Variants in SHANK1 observed in about 807,000 individuals in gnomAD.
SHANK1 encodes the protein SH3 and multiple ankyrin repeat domains protein 1.
In SHANK1, 35 loss-of-function variants were observed where a neutral mutation model predicts 165.6. The ratio of observed to expected loss-of-function variants is 0.21; its 90% CI spans 0.16 to 0.28. The LOEUF (loss-of-function observed/expected upper bound fraction) is 0.28. Among genes scored for constraint, SHANK1 ranks in the 10% least tolerant of loss-of-function variants. The pLI, the probability that SHANK1 is intolerant of heterozygous loss-of-function variation, is 1.00. For missense variants in SHANK1, 2,681 were observed against 3,036.4 expected (o/e 0.88, Z 2.75); for synonymous variants, 1,428 against 1,384.8 (o/e 1.03, Z -0.69).
chr19:50,689,030 T>C (rs1391317796), intron 16 of SHANK1, 62 bp from the exon 17 acceptor site: 5 of 1,297,422 alleles, frequency 3.9e-6, no homozygotes, highest in Non-Finnish European at 5.4e-6. Flanking sequence ...GAGCAGGGGA[T>C]GGGGCTCAGA....
In SHANK1 at chr19:50,689,303, G is replaced by T. The variant is rs559864658; in HGVS notation, c.1965-24C>A. ...CGCTGGCAGGGAGGCAGGAGAAATG[G>T]GGGGGTGGTGGGGGGAGTGGAGAAG... On this transcript the variant is annotated intron_variant, in intron 15 of 23. Coordinates refer to ENST00000293441, the MANE Select transcript of SHANK1 (RefSeq NM_016148.5). The T allele has an allele frequency of 5.7e-5, 84 of 1,461,412 alleles. 1 individual carries two copies. The highest frequency in any genetic ancestry group is 6.7e-5 in the Non-Finnish European group (70 of 1,041,108). The allele number at this position is 1,461,412 out of a possible 1,614,324, so 90.5% of individuals were successfully genotyped here. A position where few individuals can be genotyped will look rare whatever the true frequency, so the allele number is the denominator to read the frequency against.
In SHANK1 at chr19:50,662,221, G is replaced by A; in HGVS notation, c.6230C>T (p.Ser2077Leu). The change falls in exon 24 of 24, where the codon TCA becomes TTA. Residue 2077 changes from serine to leucine, a missense_variant. Around this residue, in one of 10 missense-constraint regions of SHANK1, gnomAD observed 1,713 missense variants for 1,630.2 expected, o/e 1.05. Transcript: ENST00000293441. This position sits in a 1 kb window ranked among gnomAD's most constrained non-coding sequence, Gnocchi z 7.7. ...GALSGASRSLSPTRLLSLPPD... is the reference protein window; with the variant it reads ...GALSGASRSLLPTRLLSLPPD... ...GGGCAGCGAGAGCAGGCGGGTCGGT[G>A]AGAGGGAGCGCGAGGCCCCTGACAA... The A allele has an allele frequency of 6.2e-7, 1 of 1,609,942 alleles. No individual in the cohort carries two copies. Among genetic ancestry groups the A allele is most frequent in the South Asian group, 1.1e-5 (1 of 90,690 alleles).
chr19:50,666,061 C>A, intron 23 of SHANK1, 131 bp downstream of exon 23: 2 of 763,414 alleles, frequency 2.6e-6, no homozygotes, highest in Non-Finnish European at 4.0e-6. Context: ...TTTGTGAAAG[C>A]ATGCTTCTGT....
At chr19:50,682,835 T>A (rs1254449630) in intron 21 of SHANK1, among the ~76,000 whole-genome samples, 1 of 152,140 alleles carries the variant, frequency 6.6e-6, no homozygotes, top group African/African-American at 2.4e-5. Context: ...GTTTGTTTGT[T>A]TTTTAGAGAC....
intron 12 of SHANK1, among the ~76,000 whole-genome samples, chr19:50,700,068 A>G (rs77005253): frequency 0.2 from 2,302 of 11,444 alleles, 151 homozygotes; most frequent in Middle Eastern, 0.27. Flanking sequence ...TGGAAGGCTC[A>G]GGGCATTGGA....
chr19:50,684,712 G>A (rs1986280732), intron 21 of SHANK1, among the ~76,000 whole-genome samples: 1 of 152,114 alleles, frequency 6.6e-6, no homozygotes, highest in African/African-American at 2.4e-5. Flanking sequence ...GTTTCAGCAA[G>A]ACCCATGCCT....
In SHANK1 at chr19:50,668,142, C is replaced by G; in HGVS notation, c.3818G>C (p.Gly1273Ala). 6.8e-7 allele frequency: 1 copy of G among 1,466,508 alleles called. No homozygotes were observed. Among genetic ancestry groups the G allele is most frequent in the Admixed American group, 2.5e-5 (1 of 39,896 alleles). 90.8% of individuals were successfully genotyped at this position (1,466,508 alleles called of 1,614,324 possible). A position where few individuals can be genotyped will look rare whatever the true frequency, so the allele number is the denominator to read the frequency against. The change falls in exon 23 of 24, where the codon GGC becomes GCC. Residue 1273 changes from glycine (G) to alanine (A), a missense_variant. This residue lies in a region of SHANK1 where 1,713 missense variants were observed against 1,630.2 expected (regional missense o/e 1.05). Coordinates refer to ENST00000293441, the MANE Select transcript of SHANK1 (RefSeq NM_016148.5). ...GDEDGGDGGL[G>A]TGAAPGPRLR... ...CCGCGGGCCCGGGGCCGCCCCTGTG[C>G]CCAGCCCGCCGTCCCCGCCGTCCTC... is the stretch of plus-strand genomic sequence containing the variant.
Position 50,686,227 on chromosome 19 carries a change from G to C in SHANK1, c.2577+10C>G. The C allele has an allele frequency of 6.4e-7, 1 of 1,551,502 alleles. No homozygotes were observed. The highest frequency in any genetic ancestry group is 8.8e-7 in the Non-Finnish European group (1 of 1,139,438). On this transcript the variant is annotated intron_variant, in intron 21 of 23. Coordinates refer to ENST00000293441, the MANE Select transcript of SHANK1 (RefSeq NM_016148.5). The surrounding 1 kb of genome is among the most constrained non-coding windows in gnomAD (Gnocchi z 5.7). ...CCCCTGGCAGTTCCTCCCCACACCA[G>C]GCCGCCTACCTCAGTGGCAAAGAAA...
In SHANK1 at chr19:50,719,708, TG is replaced by T. The variant is rs1323850842; in HGVS notation, c.-347del. 2.0e-5 allele frequency among the ~76,000 whole-genome samples: 3 copies of T among 146,758 alleles called. No homozygotes were observed. Among genetic ancestry groups the T allele is most frequent in the East Asian group, 4.2e-4 (2 of 4,818 alleles). On this transcript the variant is annotated 5_prime_UTR_variant, in exon 1 of 24. Coordinates refer to ENST00000293441, the MANE Select transcript of SHANK1 (RefSeq NM_016148.5). The stretch of plus-strand genomic sequence containing the variant: ...CGGCTCCGGGCGCCGCGTCTCCGCC[TG>T]CTCTTCCTCCTCCTCTTCCTCGGGC...
chr19:50,712,258 G>A (rs2089018746), intron 6 of SHANK1, 144 bp from the exon 7 acceptor site: 1 of 815,740 alleles, frequency 1.2e-6, no homozygotes, highest in African/African-American at 1.7e-5. Flanking sequence ...TGATGCCCTT[G>A]TGCAACCTTG....
intron 16 of SHANK1, 52 bp from the exon 17 acceptor site, chr19:50,689,020 G>A (rs566082450): frequency 2.4e-4 from 331 of 1,370,956 alleles, no homozygotes; most frequent in Non-Finnish European, 3.1e-4. Flanking sequence ...TGGAGAGGCC[G>A]AGCAGGGGAT....
chr19:50,704,664 C>T (rs963035878), intron 8 of SHANK1, 150 bp from the exon 9 acceptor site: 36 of 696,638 alleles, frequency 5.2e-5, no homozygotes, highest in Non-Finnish European at 7.7e-5. Flanking sequence ...CTGCCAGGTA[C>T]GGACCAGGAG....
intron 21 of SHANK1, among the ~76,000 whole-genome samples, chr19:50,680,811 A>G (rs1986155379): frequency 6.6e-6 from 1 of 152,108 alleles, no homozygotes; most frequent in Non-Finnish European, 1.5e-5. Flanking sequence ...GTGCGCCACC[A>G]CACCCAGCAA....
chr19:50,713,703 T>C lies in SHANK1; in HGVS notation c.792+95A>G, dbSNP rs2123202288. The C allele has an allele frequency of 6.6e-7, 1 of 1,522,822 alleles. No individual in the cohort carries two copies. Among genetic ancestry groups the C allele is most frequent in the Non-Finnish European group, 8.9e-7 (1 of 1,120,044 alleles). The allele number at this position is 1,522,822 out of a possible 1,614,324, so 94.3% of individuals were successfully genotyped here. ...GAACTGGGGACATGAGAGGGCCTATTTTTAACTGAAACCAAAGAACTGAGG... is the reference window on the plus strand; with the variant it reads ...GAACTGGGGACATGAGAGGGCCTATCTTTAACTGAAACCAAAGAACTGAGG... On this transcript the variant is annotated intron_variant, in intron 6 of 23. Transcript: ENST00000293441. This position sits in a 1 kb window ranked among gnomAD's most constrained non-coding sequence, Gnocchi z 6.2.
rs986849882 is a variant in SHANK1 at position 50,718,966 on chromosome 19, G to C, written c.-44+440C>G. Among the ~76,000 whole-genome samples, 6 of 151,918 alleles carry C rather than the reference G, an allele frequency of 3.9e-5. No individual in the cohort carries two copies. The highest frequency in any genetic ancestry group is 8.8e-5 in the Non-Finnish European group (6 of 67,930). ...CTGGAAGGAGAAGCGGGAGCTGGAGGGGTCGAAAGGGGCGGAGGAGGCCCG... is the reference window on the plus strand; with the variant it reads ...CTGGAAGGAGAAGCGGGAGCTGGAGCGGTCGAAAGGGGCGGAGGAGGCCCG... On this transcript the variant is annotated intron_variant, in intron 1 of 23. Transcript: ENST00000293441. The surrounding 1 kb of genome is among the most constrained non-coding windows in gnomAD (Gnocchi z 5.1).
rs752280339 is a variant in SHANK1, at chr19:50,711,493, C to A, written c.961-6G>T. ...GAGTGACCCCGCTGGCAGGCCTGGG[C>A]AGGACAGGGAGCGAGGGGCATGGAT... On this transcript the variant is annotated splice_polypyrimidine_tract_variant and splice_region_variant and intron_variant, in intron 7 of 23. Coordinates refer to ENST00000293441, the MANE Select transcript of SHANK1 (RefSeq NM_016148.5). 9 of 1,569,880 alleles carry A rather than the reference C, an allele frequency of 5.7e-6. No homozygotes were observed. The highest frequency in any genetic ancestry group is 6.9e-6 in the Non-Finnish European group (8 of 1,157,476).
chr19:50,662,664 C>T lies in SHANK1; in HGVS notation c.5787G>A (p.Gln1929=), dbSNP rs1985309168. The T allele has an allele frequency of 2.6e-6, 4 of 1,555,766 alleles. No individual in the cohort carries two copies. The highest frequency in any genetic ancestry group is 3.5e-6 in the Non-Finnish European group (4 of 1,152,122). Residue 1929 remains glutamine, a synonymous_variant, in exon 24 of 24, where the codon CAG becomes CAA. Transcript: ENST00000293441. The surrounding 1 kb of genome is among the most constrained non-coding windows in gnomAD (Gnocchi z 7.7). The part of the protein sequence containing the change: ...LQRQRLSDDS[Q]SSLLSKPVSS... ...TGACAGGCTTGGAGAGGAGTGAGGA[C>T]TGGGAGTCGTCGGAGAGTCTGGAAT...
In SHANK1 at chr19:50,686,451, C is replaced by G. The variant is rs992703506; in HGVS notation, c.2459-96G>C. ...ACCAGAGCTGCCGCCCGCAGTTCAT[C>G]CAGCACCTGGATCAACCAGGAAAGG... is the stretch of plus-strand genomic sequence containing the variant. On this transcript the variant is annotated intron_variant, in intron 20 of 23. Transcript: ENST00000293441. This position sits in a 1 kb window ranked among gnomAD's most constrained non-coding sequence, Gnocchi z 5.7. 3.3e-6 allele frequency: 3 copies of G among 918,170 alleles called. No homozygotes were observed. The Admixed American group carries it at 6.9e-5, about 21-fold the overall frequency. The allele number at this position is 918,170 out of a possible 1,614,324, so 56.9% of individuals were successfully genotyped here.
intron 6 of SHANK1, 124 bp from the exon 7 acceptor site, chr19:50,712,238 A>G (rs770779936): frequency 1.1e-5 from 11 of 984,634 alleles, no homozygotes; most frequent in South Asian, 1.7e-5. Flanking sequence ...TGACAGTCTC[A>G]GTTCTGCCGT....
Sources: gnomAD v4.1 joint callset for allele counts (sites outside exome capture counted in the v4.1 genomes callset) on GRCh38, gnomAD v4.1.1 for gene constraint, gnomAD v4.1.1 regional missense constraint, Gnocchi (gnomAD v3.1) non-coding constraint, MANE v1.5 for transcripts, NCBI Gene and HGNC (gene_info 2026-07-23, HGNC 2026-07-21) for gene names.